The following HSF1 variants were observed in gnomAD, a reference collection of about 807,000 sequenced individuals.
HSF1 encodes heat shock factor protein 1.
HSF1 carries 32 observed loss-of-function variants against 51.7 expected under a neutral mutation model. The observed-to-expected ratio is 0.62, with a 90% CI of 0.47 to 0.83. The LOEUF (loss-of-function observed/expected upper bound fraction) is 0.83. Among genes scored for constraint, HSF1 ranks in the 40% least tolerant of loss-of-function variants. The probability of loss-of-function intolerance (pLI) is 0.00; values close to 1 mark genes in which losing one functional copy is unlikely to be tolerated. For missense variants in HSF1, 727 were observed against 717.0 expected, an observed-to-expected ratio of 1.01 and a Z score of -0.16; for synonymous variants, 396 against 309.7, an observed-to-expected ratio of 1.28 and a Z score of -2.92.
intron 1 of HSF1, among the ~76,000 whole-genome samples, chr8:144,303,542 C>T (rs183909174): frequency 9.2e-4 from 140 of 152,050 alleles, no homozygotes; most frequent in African/African-American, 3.1e-3. Flanking sequence ...GGTGCTCTAC[C>T]CTACTGTTTT....
At chr8:144,309,095 T>G in intron 2 of HSF1, 81 bp downstream of exon 2, 1 of 1,136,456 alleles carries the variant, frequency 8.8e-7, no homozygotes. Flanking sequence ...GACCCTGTGA[T>G]GAAGGACGGG....
In HSF1 at chr8:144,314,361, C is replaced by T. The variant is rs1817080397; in HGVS notation, c.*31C>T. ...CCGGAGGAGCTGGGCCAGCCGCCCA[C>T]CCCCACCCCCAGTGCAGGGCTGGTC... On this transcript the variant is annotated 3_prime_UTR_variant, in exon 13 of 13. Transcript: ENST00000528838. The T allele has an allele frequency of 2.0e-6, 3 of 1,522,966 alleles. No homozygotes were observed. Among genetic ancestry groups the T allele is most frequent in the Non-Finnish European group, 2.7e-6 (3 of 1,124,040 alleles). 94.3% of individuals were successfully genotyped at this position (1,522,966 alleles called of 1,614,324 possible). A position where few individuals can be genotyped will look rare whatever the true frequency, so the allele number is the denominator to read the frequency against.
chr8:144,303,110 G>T (rs1281926465), intron 1 of HSF1, among the ~76,000 whole-genome samples: 2 of 151,984 alleles, frequency 1.3e-5, no homozygotes, highest in Non-Finnish European at 2.9e-5. Context: ...GTTCTGCTTT[G>T]GTTATTCTAC....
At chr8:144,300,499 C>T (rs972265944) in intron 1 of HSF1, among the ~76,000 whole-genome samples, 1 of 152,196 alleles carries the variant, frequency 6.6e-6, no homozygotes, top group Non-Finnish European at 1.5e-5. Flanking sequence ...GCGTCAGCCA[C>T]CGCGCCCGGC....
intron 1 of HSF1, among the ~76,000 whole-genome samples, chr8:144,292,134 G>T (rs1554840501): frequency 3.3e-5 from 5 of 152,268 alleles, no homozygotes. Context: ...GGAGAATGGG[G>T]CGTCTCTTGT....
intron 1 of HSF1, among the ~76,000 whole-genome samples, chr8:144,295,348 A>G (rs1554841117): frequency 6.6e-6 from 1 of 152,278 alleles, no homozygotes; most frequent in African/African-American, 2.4e-5. Context: ...AGGAAGTATG[A>G]AAAGTAATCT....
Position 144,291,956 on chromosome 8 carries a change from G to A in HSF1, c.117+82G>A. On this transcript the variant is annotated intron_variant, in intron 1 of 12. Transcript: ENST00000528838. The surrounding 1 kb of genome is among the most constrained non-coding windows in gnomAD (Gnocchi z 4.1). ...GCGGACGGCGCGGGAGGGCTGCGGGGAGGGGCCCTGCCGCACTTCAGCTTA... is the reference window on the plus strand; with the variant it reads ...GCGGACGGCGCGGGAGGGCTGCGGGAAGGGGCCCTGCCGCACTTCAGCTTA... 4.5e-6 allele frequency: 3 copies of A among 673,686 alleles called. No homozygotes were observed. The South Asian group carries it at 8.6e-5, about 19-fold the overall frequency. 41.7% of individuals were successfully genotyped at this position (673,686 alleles called of 1,614,324 possible).
chr8:144,301,396 G>T (rs1237205482), intron 1 of HSF1, among the ~76,000 whole-genome samples: 1 of 151,870 alleles, frequency 6.6e-6, no homozygotes, highest in Non-Finnish European at 1.5e-5. Flanking sequence ...TCCAGCCTGG[G>T]CAACAGAGCC....
chr8:144,310,044 A>G, intron 4 of HSF1, 148 bp downstream of exon 4: 1 of 969,210 alleles, frequency 1.0e-6, no homozygotes, highest in Non-Finnish European at 1.5e-6. Flanking sequence ...CCTCTGCCCC[A>G]GCCCCGCCGC....
chr8:144,314,409 C>A lies in HSF1; in HGVS notation c.*79C>A. ...GTCTTGGGGAGGCAGGGCAGCCTCG[C>A]GGTCTTGGGCACTGGTGGGTCGGCC... On this transcript the variant is annotated 3_prime_UTR_variant, in exon 13 of 13. Coordinates refer to ENST00000528838, the MANE Select transcript of HSF1 (RefSeq NM_005526.4). 1 of 1,295,184 alleles carries A rather than the reference C, an allele frequency of 7.7e-7. No individual in the cohort carries two copies. Among genetic ancestry groups the A allele is most frequent in the Non-Finnish European group, 1.1e-6 (1 of 932,132 alleles). The allele number at this position is 1,295,184 out of a possible 1,614,324, so 80.2% of individuals were successfully genotyped here. A position where few individuals can be genotyped will look rare whatever the true frequency, so the allele number is the denominator to read the frequency against.
At position 144,313,553 on chromosome 8, in the gene HSF1, G is replaced by A; in HGVS notation, c.1185G>A (p.Leu395=). The change falls in exon 10 of 13, where the codon CTG becomes CTA. Residue 395 remains leucine, a synonymous_variant. Transcript: ENST00000528838. ...SDHLDAMDSN[L]DNLQTMLSSH... is the part of the protein sequence containing the mutation. Reference sequence around the variant, plus strand: ...ACTTGGATGCTATGGACTCCAACCTGGATAACCTGCAGACCATGCTGAGCA... The same window carrying A: ...ACTTGGATGCTATGGACTCCAACCTAGATAACCTGCAGACCATGCTGAGCA... 1 of 1,612,214 alleles carries A rather than the reference G, an allele frequency of 6.2e-7. No homozygotes were observed. The highest frequency in any genetic ancestry group is 8.5e-7 in the Non-Finnish European group (1 of 1,179,400).
intron 9 of HSF1, 61 bp downstream of exon 9, chr8:144,312,305 G>C: frequency 8.2e-7 from 1 of 1,222,916 alleles, no homozygotes; most frequent in Non-Finnish European, 1.1e-6. Flanking sequence ...CTGGGCTTCA[G>C]CCCCGACTGT....
chr8:144,302,115 G>A (rs879952492), intron 1 of HSF1, among the ~76,000 whole-genome samples: 37 of 150,404 alleles, frequency 2.5e-4, no homozygotes, highest in Admixed American at 1.6e-3. Context: ...GCAGTGAGCC[G>A]AAACTGCACC....
At chr8:144,305,826 G>A (rs782361091) in intron 1 of HSF1, among the ~76,000 whole-genome samples, 18 of 137,180 alleles carry the variant, frequency 1.3e-4, no homozygotes, top group South Asian at 2.3e-4. Flanking sequence ...TCTGCCTCCC[G>A]GGTTCAAACA....
Position 144,314,337 on chromosome 8 carries a change from CGGAGGAGCT to C in HSF1, c.*10_*18del. On this transcript the variant is annotated 3_prime_UTR_variant, in exon 13 of 13. Transcript: ENST00000528838. Reference sequence around the variant, plus strand: ...GGACCCCACTGTCTCCTAGAGGCCCCGGAGGAGCTGGGCCAGCCGCCCACCCCCACCCCC... The same window carrying C: ...GGACCCCACTGTCTCCTAGAGGCCCCGGGCCAGCCGCCCACCCCCACCCCC... The C allele has an allele frequency of 5.8e-6, 9 of 1,544,020 alleles. No homozygotes were observed. The highest frequency in any genetic ancestry group is 1.4e-5 in the African/African-American group (1 of 73,036).
chr8:144,307,497 C>T (rs1179616922), intron 1 of HSF1, among the ~76,000 whole-genome samples: 1 of 152,218 alleles, frequency 6.6e-6, no homozygotes, highest in Non-Finnish European at 1.5e-5. Flanking sequence ...CCCAGCACTG[C>T]AGGAGGCCAA....
chr8:144,301,480 A>T lies in HSF1; in HGVS notation c.118-7426A>T, dbSNP rs572185458. Among the ~76,000 whole-genome samples the T allele has an allele frequency of 2.6e-5, 4 of 152,294 alleles. 1 individual carries two copies. The South Asian group carries it at 8.3e-4, about 32-fold the overall frequency. ...AAGCTGTAAGCTCACAAATCCAAGA[A>T]TATCAGTCTTAAGCAGGATAAAACC... On this transcript the variant is annotated intron_variant, in intron 1 of 12. Transcript: ENST00000528838.
Position 144,309,536 on chromosome 8 carries a change from G to A in HSF1, c.308G>A (p.Cys103Tyr). 6.2e-7 allele frequency: 1 copy of A among 1,614,078 alleles called. No homozygotes were observed. The highest frequency in any genetic ancestry group is 1.1e-5 in the South Asian group (1 of 91,080). ...GACGACACGGAGTTCCAGCACCCAT[G>A]CTTCCTGCGTGGCCAGGAGCAGCTC... ...ERDDTEFQHP[C>Y]FLRGQEQLLE... The change falls in exon 3 of 13, where the codon TGC (cysteine) becomes TAC (tyrosine). Residue 103 changes from cysteine to tyrosine, a missense_variant. Cys to Tyr is a radical substitution (Grantham distance 194). Transcript: ENST00000528838.
chr8:144,311,159 C>A lies in HSF1; in HGVS notation c.489-15C>A. ...ATGGGATTGGGCCCCACTGACCCAG[C>A]CTGGTCTGTTGCAGTGAGAATGAGG... On this transcript the variant is annotated splice_polypyrimidine_tract_variant and intron_variant, in intron 4 of 12. Coordinates refer to ENST00000528838, the MANE Select transcript of HSF1 (RefSeq NM_005526.4). 1 of 1,588,180 alleles carries A rather than the reference C, an allele frequency of 6.3e-7. No homozygotes were observed. Among genetic ancestry groups the A allele is most frequent in the East Asian group, 2.3e-5 (1 of 44,006 alleles).
Sources: gnomAD v4.1 joint callset for allele counts (sites outside exome capture counted in the v4.1 genomes callset) on GRCh38, gnomAD v4.1.1 for gene constraint, Gnocchi (gnomAD v3.1) non-coding constraint, MANE v1.5 for transcripts, NCBI Gene and HGNC (gene_info 2026-07-23, HGNC 2026-07-21) for gene names.